SUSD4: variants seen among roughly 807,000 people sequenced by gnomAD.
The protein encoded by SUSD4 is sushi domain containing 4.
Under a neutral mutation model 50.5 loss-of-function variants are expected in SUSD4, and 41 were observed. That is an observed-to-expected ratio of 0.81 (90% CI 0.63 to 1.05). SUSD4 has a LOEUF of 1.05. SUSD4 is among the 50% of genes least tolerant of loss of function. The pLI, the probability that SUSD4 is intolerant of heterozygous loss-of-function variation, is 0.00. For missense variants in SUSD4, 580 were observed against 634.7 expected, an observed-to-expected ratio of 0.91 and a Z score of 0.93; for synonymous variants, 257 against 257.3, an observed-to-expected ratio of 1.00 and a Z score of 0.01.
At chr1:223,341,194 T>C (rs1198143302) in intron 2 of SUSD4, among the ~76,000 whole-genome samples, 1 of 152,160 alleles carries the variant, frequency 6.6e-6, no homozygotes, top group African/African-American at 2.4e-5. Context: ...ACTCCTGTCA[T>C]GGGGTGCCCA....
chr1:223,254,670 T>C (rs965408603), intron 5 of SUSD4, among the ~76,000 whole-genome samples: 2 of 151,788 alleles, frequency 1.3e-5, no homozygotes, highest in Non-Finnish European at 2.9e-5. Flanking sequence ...AAAAGATCAG[T>C]GTTTCTGGAT....
chr1:223,355,317 A>G (rs1193414195), intron 2 of SUSD4, among the ~76,000 whole-genome samples: 2 of 151,530 alleles, frequency 1.3e-5, no homozygotes, highest in African/African-American at 2.4e-5. Flanking sequence ...CAAGTGATCC[A>G]CCTGCCTCGG....
intron 2 of SUSD4, among the ~76,000 whole-genome samples, chr1:223,357,822 C>G (rs1010142545): frequency 3.3e-5 from 5 of 152,140 alleles, no homozygotes; most frequent in Admixed American, 3.3e-4. Flanking sequence ...TACATCTATC[C>G]ATCAGTCCTA....
At chr1:223,320,946 C>T (rs2103245607) in intron 2 of SUSD4, among the ~76,000 whole-genome samples, 1 of 152,284 alleles carries the variant, frequency 6.6e-6, no homozygotes, top group African/African-American at 2.4e-5. Context: ...TTACTTCTTG[C>T]AAGTTTCAAA....
intron 5 of SUSD4, among the ~76,000 whole-genome samples, chr1:223,235,326 C>T (rs1660147660): frequency 6.6e-6 from 1 of 152,216 alleles, no homozygotes; most frequent in African/African-American, 2.4e-5. Context: ...CAGAGTGGTG[C>T]ATTTGTTACT....
chr1:223,270,138 G>C (rs1357175074), intron 3 of SUSD4, among the ~76,000 whole-genome samples: 3 of 152,206 alleles, frequency 2.0e-5, no homozygotes, highest in African/African-American at 7.2e-5. Context: ...TTCCAAGTTA[G>C]AGGAGAGCTT....
At chr1:223,271,025 C>A (rs369290274) in intron 3 of SUSD4, among the ~76,000 whole-genome samples, 2 of 152,126 alleles carry the variant, frequency 1.3e-5, no homozygotes, top group Non-Finnish European at 2.9e-5. Flanking sequence ...ATGTGAATTA[C>A]GTTTTTTCAA....
rs1172785114 is a variant in SUSD4, at chr1:223,340,093, A to G, written c.148+23185T>C. 2.0e-5 allele frequency among the ~76,000 whole-genome samples: 3 copies of G among 152,170 alleles called. No individual in the cohort carries two copies. In the East Asian group the frequency reaches 5.8e-4, roughly 29 times the overall value. On this transcript the variant is annotated intron_variant, in intron 2 of 8. Coordinates refer to ENST00000366878, the MANE Select transcript of SUSD4 (RefSeq NM_017982.4). The stretch of plus-strand genomic sequence containing the variant: ...GCTGCTCCAATCGCATTCCCTGACA[A>G]AGACCACACGCAGCCAAATCCTGCA...
intron 5 of SUSD4, among the ~76,000 whole-genome samples, chr1:223,255,539 T>C (rs928434691): frequency 2.0e-5 from 3 of 152,104 alleles, no homozygotes; most frequent in Non-Finnish European, 1.5e-5. Flanking sequence ...AACAGAGCCA[T>C]TGGGGCTGGG....
intron 2 of SUSD4, among the ~76,000 whole-genome samples, chr1:223,309,864 T>G (rs1665767665): frequency 6.6e-6 from 1 of 152,222 alleles, no homozygotes; most frequent in Admixed American, 6.5e-5. Context: ...ATGGATAATT[T>G]GGTTTCTCCT....
rs545905090 is a variant in SUSD4, at chr1:223,264,134, C to T, written c.724+496G>A. 1.4e-3 allele frequency: 1,358 copies of T among 985,414 alleles called. 16 individuals are homozygous for T. The African/African-American group carries it at 0.022, about 16-fold the overall frequency. The allele number at this position is 985,414 out of a possible 1,614,324, so 61.0% of individuals were successfully genotyped here. ...TTAGTGGTCTTTCGTGAATCACAATCTATAGTCATAGAGATTTAATAAAAA... is the reference window on the plus strand; with the variant it reads ...TTAGTGGTCTTTCGTGAATCACAATTTATAGTCATAGAGATTTAATAAAAA... On this transcript the variant is annotated intron_variant, in intron 5 of 8. Transcript: ENST00000366878.
At chr1:223,353,938 G>A (rs141920205) in intron 2 of SUSD4, among the ~76,000 whole-genome samples, 5 of 152,180 alleles carry the variant, frequency 3.3e-5, no homozygotes, top group Non-Finnish European at 7.4e-5. Context: ...GGCTGAGGCA[G>A]GAGAATTGCT....
At chr1:223,355,926 ATAT>A (rs1254010821) in intron 2 of SUSD4, among the ~76,000 whole-genome samples, 1 of 152,162 alleles carries the variant, frequency 6.6e-6, no homozygotes, top group African/African-American at 2.4e-5. Context: ...TTGGGTACAC[ATAT>A]AGGGTTATGC....
At chr1:223,363,538 G>T (rs1669130628) in intron 1 of SUSD4, 78 bp from the exon 2 acceptor site, 1 of 1,345,460 alleles carries the variant, frequency 7.4e-7, no homozygotes, top group Admixed American at 3.0e-5. Flanking sequence ...TCCGCTCTGG[G>T]ACCCGGCGCC....
intron 5 of SUSD4, among the ~76,000 whole-genome samples, chr1:223,230,108 T>A (rs1431042999): frequency 1.3e-5 from 2 of 152,218 alleles, no homozygotes; most frequent in Non-Finnish European, 2.9e-5. Context: ...CTGACTCGAA[T>A]ATCCCATCAT....
intron 5 of SUSD4, among the ~76,000 whole-genome samples, chr1:223,252,228 AAAAAAAAAAT>A (rs1465336288): frequency 9.9e-4 from 110 of 111,256 alleles, no homozygotes; most frequent in African/African-American, 2.7e-3. Context: ...TTAAAAAAAA[AAAAAAAAAAT>A]ATATATATAT....
At chr1:223,300,605 G>T (rs1418228518) in intron 2 of SUSD4, among the ~76,000 whole-genome samples, 1 of 152,146 alleles carries the variant, frequency 6.6e-6, no homozygotes, top group Non-Finnish European at 1.5e-5. Context: ...CTAAGGCTGG[G>T]TTTCCATTTC....
At chr1:223,309,584 TG>T in intron 2 of SUSD4, among the ~76,000 whole-genome samples, 1 of 152,292 alleles carries the variant, frequency 6.6e-6, no homozygotes, top group South Asian at 2.1e-4. Flanking sequence ...GTGCCCAAGA[TG>T]CTGGCTAGAT....
Position 223,362,443 on chromosome 1 carries a change from G to A in SUSD4, c.148+835C>T, listed in dbSNP as rs372610812. Among the ~76,000 whole-genome samples the A allele has an allele frequency of 2.6e-5, 4 of 152,160 alleles. No homozygotes were observed. The East Asian group carries it at 7.7e-4, about 29-fold the overall frequency. ...ACGTTTGCAATGGACAGGAATGATG[G>A]ACAGCAATGAGCAGTGGAGGCAGGG... On this transcript the variant is annotated intron_variant, in intron 2 of 8. Transcript: ENST00000366878.
Sources: gnomAD v4.1 joint callset for allele counts (sites outside exome capture counted in the v4.1 genomes callset) on GRCh38, gnomAD v4.1.1 for gene constraint, MANE v1.5 for transcripts, NCBI Gene and HGNC (gene_info 2026-07-23, HGNC 2026-07-21) for gene names.